The following GBF1 variants were observed in gnomAD, a reference collection of about 807,000 sequenced individuals.
GBF1 encodes the protein golgi brefeldin A resistant guanine nucleotide exchange factor 1, also known as Golgi-specific brefeldin A-resistance guanine nucleotide exchange factor 1.
A neutral mutation model predicts 210.5 loss-of-function variants in GBF1; 114 were observed. The observed-to-expected ratio is 0.54, with a 90% CI of 0.47 to 0.63. The LOEUF (loss-of-function observed/expected upper bound fraction) is 0.63. Ranked by LOEUF, GBF1 falls within the 30% of genes least tolerant of loss-of-function variation. The pLI, the probability that GBF1 is intolerant of heterozygous loss-of-function variation, is 0.00. For synonymous variants in GBF1, 850 were observed against 889.2 expected, an observed-to-expected ratio of 0.96 and a Z score of 0.78; for missense variants, 1,851 against 2,357.7, an observed-to-expected ratio of 0.79 and a Z score of 4.45.
chr10:102,275,011 CTTTT>C (rs55784094), intron 3 of GBF1, among the ~76,000 whole-genome samples: 3 of 124,778 alleles, frequency 2.4e-5, no homozygotes. Context: ...CGCGCCAGGA[CTTTT>C]TTTTTTTTTT....
chr10:102,262,665 C>CT (rs769641690), intron 3 of GBF1, among the ~76,000 whole-genome samples: 3 of 152,198 alleles, frequency 2.0e-5, no homozygotes, highest in Admixed American at 2.0e-4. Context: ...TTCCTGCCTG[C>CT]TACTGAATCC....
At chr10:102,256,672 A>AC (rs2072440915) in intron 1 of GBF1, among the ~76,000 whole-genome samples, 1 of 151,790 alleles carries the variant, frequency 6.6e-6, no homozygotes, top group Non-Finnish European at 1.5e-5. Context: ...GGCGCCCTCC[A>AC]CCACACCTGC....
chr10:102,276,599 G>A (rs1425934545), intron 3 of GBF1, among the ~76,000 whole-genome samples: 2 of 151,986 alleles, frequency 1.3e-5, no homozygotes, highest in African/African-American at 4.8e-5. Flanking sequence ...CTTGCCTTTG[G>A]TAGAACTGCT....
chr10:102,293,702 T>C (rs2076626853), intron 3 of GBF1, among the ~76,000 whole-genome samples: 1 of 150,212 alleles, frequency 6.7e-6, no homozygotes, highest in Non-Finnish European at 1.5e-5. Context: ...ATAAAAAATT[T>C]AAAAATAGAA....
intron 4 of GBF1, among the ~76,000 whole-genome samples, chr10:102,350,167 T>G (rs1194697014): frequency 1.3e-5 from 2 of 152,024 alleles, no homozygotes; most frequent in East Asian, 3.9e-4. Flanking sequence ...CTGACCAACA[T>G]GGAGAAACCC....
chr10:102,257,954 T>C (rs752377948), intron 1 of GBF1, among the ~76,000 whole-genome samples: 1 of 152,122 alleles, frequency 6.6e-6, no homozygotes, highest in Non-Finnish European at 1.5e-5. Flanking sequence ...AAAGGCATCA[T>C]AGGACTTTGG....
At chr10:102,256,683 C>T (rs2072441830) in intron 1 of GBF1, among the ~76,000 whole-genome samples, 1 of 151,900 alleles carries the variant, frequency 6.6e-6, no homozygotes, top group African/African-American at 2.4e-5. Context: ...CCACACCTGC[C>T]CAATTTTTGT....
rs1363470933 is a variant in GBF1 at position 102,376,697 on chromosome 10, A to G, written c.4185A>G (p.Glu1395=). 7.4e-6 allele frequency: 12 copies of G among 1,613,688 alleles called. No individual in the cohort carries two copies. The South Asian group carries it at 8.8e-5, about 12-fold the overall frequency. Reference sequence around the variant, plus strand: ...CTAAGTCTCTGCTTAAGTGTGTGGAATCGCTGTCCTTCATTGTGCGTGATG... The same window carrying G: ...CTAAGTCTCTGCTTAAGTGTGTGGAGTCGCTGTCCTTCATTGTGCGTGATG... ...HDTKSLLKCV[E]SLSFIVRDAA... The change falls in exon 32 of 40, where the codon GAA becomes GAG. Residue 1395 remains glutamate, a synonymous_variant. Coordinates refer to ENST00000369983, the MANE Select transcript of GBF1 (RefSeq NM_001377137.1).
the GBF1 span, among the ~76,000 whole-genome samples, chr10:102,236,282 G>A: frequency 1.3e-5 from 2 of 152,222 alleles, no homozygotes; most frequent in African/African-American, 2.4e-5. Flanking sequence ...GGAAGAACAA[G>A]CAGTAGGTCT....
chr10:102,268,956 C>T (rs1232682032), intron 3 of GBF1, among the ~76,000 whole-genome samples: 2 of 152,214 alleles, frequency 1.3e-5, no homozygotes, highest in Admixed American at 1.3e-4. Flanking sequence ...AGATGGAGAG[C>T]AATGACTACT....
chr10:102,286,641 G>A (rs751378520), intron 3 of GBF1, among the ~76,000 whole-genome samples: 1 of 152,144 alleles, frequency 6.6e-6, no homozygotes, highest in Non-Finnish European at 1.5e-5. Flanking sequence ...GTAAAGGTCA[G>A]ATTTTTTTTG....
chr10:102,291,702 G>A (rs538801851), intron 3 of GBF1, among the ~76,000 whole-genome samples: 6 of 152,220 alleles, frequency 3.9e-5, no homozygotes, highest in East Asian at 3.9e-4. Context: ...TCTGAACAGC[G>A]AAAGGCCTTG....
intron 3 of GBF1, among the ~76,000 whole-genome samples, chr10:102,324,557 G>T (rs2056731698): frequency 6.6e-6 from 1 of 152,094 alleles, no homozygotes; most frequent in Non-Finnish European, 1.5e-5. Flanking sequence ...CCATTGGGTG[G>T]TCTTGGGCAG....
At chr10:102,379,142 A>G (rs566179091) in intron 33 of GBF1, 142 bp from the exon 34 acceptor site, 1 of 700,680 alleles carries the variant, frequency 1.4e-6, no homozygotes, top group Non-Finnish European at 2.4e-6. Flanking sequence ...AAGTCAAGGG[A>G]AAGAGTAGCG....
intron 1 of GBF1, among the ~76,000 whole-genome samples, chr10:102,246,277 G>A (rs1304261275): frequency 6.6e-6 from 1 of 152,204 alleles, no homozygotes; most frequent in Non-Finnish European, 1.5e-5. Flanking sequence ...CTAGAATCAG[G>A]TTGTCAGCAG....
the GBF1 span, chr10:102,231,987 C>A: frequency 1.2e-6 from 2 of 1,610,718 alleles, no homozygotes; most frequent in Non-Finnish European, 1.7e-6. Flanking sequence ...CCCTTGCAGC[C>A]GTGCTCTGGG....
At chr10:102,369,445 G>A in intron 24 of GBF1, 58 bp downstream of exon 24, 1 of 1,333,776 alleles carries the variant, frequency 7.5e-7, no homozygotes, top group Non-Finnish European at 1.1e-6. Flanking sequence ...AACATTGTAT[G>A]CTACCTGTAC....
intron 3 of GBF1, among the ~76,000 whole-genome samples, chr10:102,308,826 GTAAC>G (rs2078161557): frequency 6.6e-6 from 1 of 151,424 alleles, no homozygotes; most frequent in African/African-American, 2.4e-5. Flanking sequence ...GTATACATAT[GTAAC>G]TAACCTGCAC....
rs1176041122 is a variant in GBF1 at position 102,366,102 on chromosome 10, C to T, written c.2310-281C>T. ...ATATCTATTGGACCTGAAAGGGACT[C>T]CAACGAGATAGTTTGGGGAGCCCCC... On this transcript the variant is annotated intron_variant, in intron 18 of 39. Transcript: ENST00000369983. The surrounding 1 kb of genome is among the most constrained non-coding windows in gnomAD (Gnocchi z 4.0). Among the ~76,000 whole-genome samples the T allele has an allele frequency of 1.3e-5, 2 of 152,180 alleles. No homozygotes were observed. Among genetic ancestry groups the T allele is most frequent in the East Asian group, 3.8e-4 (2 of 5,200 alleles).
Sources: gnomAD v4.1 joint callset for allele counts (sites outside exome capture counted in the v4.1 genomes callset) on GRCh38, gnomAD v4.1.1 for gene constraint, Gnocchi (gnomAD v3.1) non-coding constraint, MANE v1.5 for transcripts, NCBI Gene and HGNC (gene_info 2026-07-23, HGNC 2026-07-21) for gene names.